DIS3: variants seen among roughly 807,000 people sequenced by gnomAD.
DIS3 encodes DIS3 exosome endoribonuclease and 3'-5' exoribonuclease, also known as exosome complex exonuclease RRP44.
A neutral mutation model predicts 113.0 loss-of-function variants in DIS3; 103 were observed. That is an observed-to-expected ratio of 0.91 (90% confidence interval 0.78 to 1.07). DIS3 has a LOEUF of 1.07. Among genes scored for constraint, DIS3 ranks in the 50% least tolerant of loss-of-function variants. The probability of loss-of-function intolerance (pLI) is 0.00; values close to 1 mark genes in which losing one functional copy is unlikely to be tolerated. For synonymous variants in DIS3, 402 were observed against 394.3 expected (o/e 1.02, Z -0.23); for missense variants, 1,121 against 1,167.1 (o/e 0.96, Z 0.58).
chr13:72,773,860 A>G (rs2033945375), intron 7 of DIS3, 39 bp from the exon 8 acceptor site: 1 of 1,597,292 alleles, frequency 6.3e-7, no homozygotes. Context: ...CACAAAAAAA[A>G]TCTGAGGATG....
At chr13:72,762,834 A>T (rs2033658304) in intron 16 of DIS3, among the ~76,000 whole-genome samples, 1 of 152,090 alleles carries the variant, frequency 6.6e-6, no homozygotes, top group Non-Finnish European at 1.5e-5. Flanking sequence ...AAATAAATAA[A>T]AAAAAAAAAT....
Position 72,774,001 on chromosome 13 carries a change from A to G in DIS3, c.1046T>C (p.Ile349Thr). 1 of 1,612,708 alleles carries G rather than the reference A, an allele frequency of 6.2e-7. No individual in the cohort carries two copies. Among genetic ancestry groups the G allele is most frequent in the Non-Finnish European group, 8.5e-7 (1 of 1,179,690 alleles). Residue 349 changes from isoleucine to threonine, a missense_variant, in exon 7 of 21, where the codon ATA becomes ACA. Physicochemically the swap from Ile to Thr is moderately conservative, Grantham distance 89 (BLOSUM62 -1). Transcript: ENST00000377767. ...LKPTGRVVGI[I>T]KRNWRPYCGM... ...ACAATATGGTCTCCAATTCCTTTTT[A>G]TTATTCCTACAACTCTACCTGTAGG...
chr13:72,765,051 A>ATCTATGCATCTAT (rs2033713381), intron 15 of DIS3, among the ~76,000 whole-genome samples: 4 of 152,198 alleles, frequency 2.6e-5, no homozygotes, highest in African/African-American at 9.6e-5. Context: ...ATCTATTAGA[A>ATCTATGCATCTAT]AAGTGCATAT....
At position 72,776,012 on chromosome 13, in the gene DIS3, T is replaced by C; in HGVS notation, c.735A>G (p.Thr245=). 1 of 1,611,778 alleles carries C rather than the reference T, an allele frequency of 6.2e-7. No individual in the cohort carries two copies. Among genetic ancestry groups the C allele is most frequent in the African/African-American group, 1.3e-5 (1 of 74,940 alleles). ...SKLQQGIKSG[T]YLQGTFRASR... The stretch of plus-strand genomic sequence containing the variant: ...TAGCTCTAAATGTTCCTTGAAGGTA[T>C]GTACCAGATTTTATGCCTTGCTGTA... The change falls in exon 5 of 21, where the codon ACA becomes ACG. Residue 245 remains threonine (T), a synonymous_variant. Transcript: ENST00000377767.
chr13:72,757,717 G>T lies in DIS3; in HGVS notation c.*2078C>A. Reference sequence around the variant, plus strand: ...GCTAGGATTACAGGCATGAGCCACCGCACCTAGCCGGCAAACTTTTTTAAA... The same window carrying T: ...GCTAGGATTACAGGCATGAGCCACCTCACCTAGCCGGCAAACTTTTTTAAA... On this transcript the variant is annotated 3_prime_UTR_variant, in exon 21 of 21. Coordinates refer to ENST00000377767, the MANE Select transcript of DIS3 (RefSeq NM_014953.5). 5.4e-6 allele frequency: 1 copy of T among 186,298 alleles called. No individual in the cohort carries two copies. Among genetic ancestry groups the T allele is most frequent in the Non-Finnish European group, 1.1e-5 (1 of 88,104 alleles). 11.5% of individuals were successfully genotyped at this position (186,298 alleles called of 1,614,324 possible).
chr13:72,774,049 G>A lies in DIS3; in HGVS notation c.998C>T (p.Ala333Val). Residue 333 changes from alanine (A) to valine (V), a missense_variant, in exon 7 of 21, where the codon GCT becomes GTT. Ala to Val is a moderately conservative substitution (Grantham distance 64, BLOSUM62 0). Coordinates refer to ENST00000377767, the MANE Select transcript of DIS3 (RefSeq NM_014953.5). ...AGGCTTCAACATTTTCTCGCTTACA[G>A]CAGTCTTAAGCTGAGATATAAAAAT... Reference protein sequence around the residue: ...EEETERMLKTAVSEKMLKPTG... With the variant: ...EEETERMLKTVVSEKMLKPTG... The A allele has an allele frequency of 6.3e-7, 1 of 1,589,294 alleles. No homozygotes were observed. Among genetic ancestry groups the A allele is most frequent in the South Asian group, 1.2e-5 (1 of 86,584 alleles).
intron 13 of DIS3, among the ~76,000 whole-genome samples, chr13:72,770,309 A>G (rs1012197273): frequency 7.9e-5 from 12 of 152,090 alleles, no homozygotes; most frequent in African/African-American, 1.4e-4. Flanking sequence ...AAATTTTGCT[A>G]TAACAGTGCC....
chr13:72,775,985 G>C lies in DIS3; in HGVS notation c.762C>G (p.Ser254Arg). Residue 254 changes from serine to arginine, a missense_variant, in exon 5 of 21, where the codon AGC becomes AGG. Physicochemically the swap from Ser to Arg is moderately radical, Grantham distance 110. Transcript: ENST00000377767. Reference protein sequence around the residue: ...GTYLQGTFRASRENYLEATVW... With the variant: ...GTYLQGTFRARRENYLEATVW... The stretch of plus-strand genomic sequence containing the variant: ...CTGTAGCTTCCAAGTAATTTTCCCT[G>C]CTAGCTCTAAATGTTCCTTGAAGGT... The C allele has an allele frequency of 1.9e-6, 3 of 1,611,090 alleles. No homozygotes were observed. The highest frequency in any genetic ancestry group is 2.5e-6 in the Non-Finnish European group (3 of 1,179,032).
chr13:72,760,189 T>C (rs554481579), intron 20 of DIS3, among the ~76,000 whole-genome samples: 1 of 152,232 alleles, frequency 6.6e-6, no homozygotes, highest in African/African-American at 2.4e-5. Flanking sequence ...ATTTCAAGTG[T>C]GTTGGGGAAG....
At chr13:72,777,285 C>A in intron 4 of DIS3, 135 bp downstream of exon 4, 1 of 781,454 alleles carries the variant, frequency 1.3e-6, no homozygotes, top group Non-Finnish European at 2.1e-6. Context: ...ACATCCACTC[C>A]TGTTTATAAC....
intron 9 of DIS3, 131 bp from the exon 10 acceptor site, chr13:72,772,406 T>G (rs1439582852): frequency 4.0e-6 from 3 of 751,078 alleles, no homozygotes; most frequent in Non-Finnish European, 6.3e-6. Context: ...ACAACCACAT[T>G]TCTTTTTCCT....
At position 72,755,802 on chromosome 13, in the gene DIS3, T is replaced by G. The variant is rs2033448414; in HGVS notation, c.*3993A>C. 1 of 398,388 alleles carries G rather than the reference T, an allele frequency of 2.5e-6. No individual in the cohort carries two copies. The highest frequency in any genetic ancestry group is 4.4e-5 in the Admixed American group (1 of 22,704). 24.7% of individuals were successfully genotyped at this position (398,388 alleles called of 1,614,324 possible). ...TTACTACTTTTAAGTATGTAAATACTAGAAAGGTAGTACTAGTGACATCAT... is the reference window on the plus strand; with the variant it reads ...TTACTACTTTTAAGTATGTAAATACGAGAAAGGTAGTACTAGTGACATCAT... On this transcript the variant is annotated 3_prime_UTR_variant, in exon 21 of 21. Transcript: ENST00000377767.
chr13:72,761,315 AG>A (rs752978849), intron 19 of DIS3, 47 bp downstream of exon 19: 30 of 1,561,506 alleles, frequency 1.9e-5, no homozygotes, highest in Non-Finnish European at 2.6e-5. Flanking sequence ...GAACTCTCAA[AG>A]AAAAAGTGCC....
At chr13:72,770,711 A>G (rs1427828589) in intron 13 of DIS3, among the ~76,000 whole-genome samples, 193 bp downstream of exon 13, 2 of 152,118 alleles carry the variant, frequency 1.3e-5, no homozygotes, top group Non-Finnish European at 2.9e-5. Flanking sequence ...AGGTACTTAC[A>G]TGTATATGTT....
chr13:72,770,862 C>G, intron 13 of DIS3, 42 bp downstream of exon 13: 2 of 1,442,944 alleles, frequency 1.4e-6, no homozygotes, highest in Non-Finnish European at 1.9e-6. Context: ...AAAAAAGTAC[C>G]AAAAAGTTTA....
intron 14 of DIS3, among the ~76,000 whole-genome samples, chr13:72,767,155 C>T (rs988548388): frequency 2.0e-5 from 3 of 152,014 alleles, no homozygotes; most frequent in South Asian, 2.1e-4. Flanking sequence ...AGGCAAAAGA[C>T]GGTTTTTTTT....
rs2033528925 is a variant in DIS3 at position 72,757,857 on chromosome 13, G to GT, written c.*1937dup. 9.6e-6 allele frequency: 2 copies of GT among 208,342 alleles called. No homozygotes were observed. Among genetic ancestry groups the GT allele is most frequent in the South Asian group, 3.8e-4 (2 of 5,288 alleles). 12.9% of individuals were successfully genotyped at this position (208,342 alleles called of 1,614,324 possible). A position where few individuals can be genotyped will look rare whatever the true frequency, so the allele number is the denominator to read the frequency against. ...TGGCCAAATATACGATGATGATCCCGTAAGATTACAATGGAGCTGAAAAAT... is the reference window on the plus strand; with the variant it reads ...TGGCCAAATATACGATGATGATCCCGTTAAGATTACAATGGAGCTGAAAAAT... On this transcript the variant is annotated 3_prime_UTR_variant, in exon 21 of 21. Transcript: ENST00000377767.
In DIS3 at chr13:72,777,323, C is replaced by T. The variant is rs1593851625; in HGVS notation, c.654+97G>A. On this transcript the variant is annotated intron_variant, in intron 4 of 20. Transcript: ENST00000377767. ...AACTATTCCAAATCCAGCTTACCCACCGACATTCCAATTTTTAAATTTGGT... is the reference window on the plus strand; with the variant it reads ...AACTATTCCAAATCCAGCTTACCCATCGACATTCCAATTTTTAAATTTGGT... 4.3e-6 allele frequency: 5 copies of T among 1,175,874 alleles called. 1 individual carries two copies. The South Asian group carries it at 5.4e-5, about 13-fold the overall frequency. The allele number at this position is 1,175,874 out of a possible 1,614,324, so 72.8% of individuals were successfully genotyped here.
At chr13:72,781,495 C>G in intron 1 of DIS3, 110 bp downstream of exon 1, 2 of 1,428,760 alleles carry the variant, frequency 1.4e-6, no homozygotes, top group South Asian at 2.9e-5. Context: ...GTTTCCCTTT[C>G]GCTAGGTATG....
Sources: allele counts gnomAD v4.1 joint callset (sites outside exome capture counted in the v4.1 genomes callset), GRCh38; gene constraint gnomAD v4.1.1; transcripts MANE v1.5; gene names NCBI Gene and HGNC (gene_info 2026-07-23, HGNC 2026-07-21).